MAP2K5: variants seen among roughly 807,000 people sequenced by gnomAD.
The protein encoded by MAP2K5 is mitogen-activated protein kinase kinase 5.
MAP2K5 carries 49 observed loss-of-function variants against 83.1 expected under a neutral mutation model. The observed-to-expected ratio is 0.59, with a 90% confidence interval of 0.47 to 0.75. MAP2K5 has a LOEUF of 0.75. Ranked by LOEUF, MAP2K5 falls within the 30% of genes least tolerant of loss-of-function variation. The pLI is 0.00. For missense variants in MAP2K5, 457 were observed against 557.5 expected, an observed-to-expected ratio of 0.82 and a Z score of 1.82; for synonymous variants, 202 against 191.8, an observed-to-expected ratio of 1.05 and a Z score of -0.44.
intron 8 of MAP2K5, among the ~76,000 whole-genome samples, chr15:67,613,655 T>C (rs972069232): frequency 3.3e-5 from 5 of 152,134 alleles, no homozygotes; most frequent in Non-Finnish European, 7.4e-5. Flanking sequence ...TTTATATAAG[T>C]TCATGTTGAC....
At chr15:67,662,508 G>A (rs1175127953) in intron 12 of MAP2K5, among the ~76,000 whole-genome samples, 1 of 152,076 alleles carries the variant, frequency 6.6e-6, no homozygotes, top group Non-Finnish European at 1.5e-5. Flanking sequence ...CAGTGTATCT[G>A]GTGTCTAATT....
intron 21 of MAP2K5, among the ~76,000 whole-genome samples, chr15:67,795,631 A>T (rs970346252): frequency 6.6e-6 from 1 of 152,182 alleles, no homozygotes; most frequent in Non-Finnish European, 1.5e-5. Context: ...CCCTTAGAAC[A>T]TGGTCATTTG....
intron 13 of MAP2K5, among the ~76,000 whole-genome samples, chr15:67,666,734 CA>C (rs1264000769): frequency 6.6e-6 from 1 of 152,108 alleles, no homozygotes; most frequent in Admixed American, 6.6e-5. Context: ...CCAATTCCTA[CA>C]GAGAGTAGCC....
rs760145008 is a variant in MAP2K5 at position 67,748,631 on chromosome 15, C to CT, written c.1134+31dup. ...GGCATCGTCTTATGTGCTTTCACTC[C>CT]TAAAGTCATTCCTAATGGTGTGGAA... On this transcript the variant is annotated intron_variant, in intron 19 of 21. Coordinates refer to ENST00000178640, the MANE Select transcript of MAP2K5 (RefSeq NM_145160.3). The surrounding 1 kb of genome is among the most constrained non-coding windows in gnomAD (Gnocchi z 4.0). The CT allele has an allele frequency of 3.9e-5, 62 of 1,606,780 alleles. No individual in the cohort carries two copies. The East Asian group carries it at 1.4e-3, about 35-fold the overall frequency.
rs1042532119 is a variant in MAP2K5 at position 67,677,902 on chromosome 15, C to T, written c.847+13257C>T. On this transcript the variant is annotated intron_variant, in intron 13 of 21. Coordinates refer to ENST00000178640, the MANE Select transcript of MAP2K5 (RefSeq NM_145160.3). This position sits in a 1 kb window ranked among gnomAD's most constrained non-coding sequence, Gnocchi z 4.2. Reference sequence around the variant, plus strand: ...CACGTTTGTTGCCTCCATTCTGAACCGAATCATGAGACTCCAGGCAATAAC... The same window carrying T: ...CACGTTTGTTGCCTCCATTCTGAACTGAATCATGAGACTCCAGGCAATAAC... 3.3e-5 allele frequency among the ~76,000 whole-genome samples: 5 copies of T among 152,140 alleles called. No homozygotes were observed. The highest frequency in any genetic ancestry group is 9.7e-5 in the African/African-American group (4 of 41,414).
At position 67,777,957 on chromosome 15, in the gene MAP2K5, C is replaced by G. The variant is rs2141313463; in HGVS notation, c.1242+5205C>G. Among the ~76,000 whole-genome samples the G allele has an allele frequency of 6.6e-6, 1 of 152,326 alleles. No individual in the cohort carries two copies. The highest frequency in any genetic ancestry group is 2.4e-5 in the African/African-American group (1 of 41,586). Reference sequence around the variant, plus strand: ...GTAAATAGTGGCATTAGAAATACAACAAGTTGGCATGGGTCCTAGAAGGCG... The same window carrying G: ...GTAAATAGTGGCATTAGAAATACAAGAAGTTGGCATGGGTCCTAGAAGGCG... On this transcript the variant is annotated intron_variant, in intron 21 of 21. Transcript: ENST00000178640. This position sits in a 1 kb window ranked among gnomAD's most constrained non-coding sequence, Gnocchi z 6.0.
rs1285810716 is a variant in MAP2K5 at position 67,638,979 on chromosome 15, A to T, written c.586-7252A>T. Among the ~76,000 whole-genome samples the T allele has an allele frequency of 6.6e-6, 1 of 152,200 alleles. No individual in the cohort carries two copies. Among genetic ancestry groups the T allele is most frequent in the Non-Finnish European group, 1.5e-5 (1 of 68,030 alleles). On this transcript the variant is annotated intron_variant, in intron 9 of 21. Transcript: ENST00000178640. This position sits in a 1 kb window ranked among gnomAD's most constrained non-coding sequence, Gnocchi z 4.5. Reference sequence around the variant, plus strand: ...TTATACCCCTTTACTGCAAAAATTAACTCAAAATTAAAGACTTAAATGTAA... The same window carrying T: ...TTATACCCCTTTACTGCAAAAATTATCTCAAAATTAAAGACTTAAATGTAA...
chr15:67,759,976 A>C (rs1171483562), intron 19 of MAP2K5, among the ~76,000 whole-genome samples: 4 of 152,240 alleles, frequency 2.6e-5, no homozygotes, highest in Non-Finnish European at 5.9e-5. Context: ...TGTGTTTCAA[A>C]GTGTTGGGAA....
At chr15:67,603,232 C>T (rs950455081) in intron 8 of MAP2K5, among the ~76,000 whole-genome samples, 1 of 152,150 alleles carries the variant, frequency 6.6e-6, no homozygotes, top group Non-Finnish European at 1.5e-5. Context: ...ACAGTAACTC[C>T]CCCATCACTC....
At chr15:67,594,779 C>G (rs1056574767) in intron 7 of MAP2K5, among the ~76,000 whole-genome samples, 1 of 151,768 alleles carries the variant, frequency 6.6e-6, no homozygotes, top group Non-Finnish European at 1.5e-5. Context: ...TAAGGATTAG[C>G]CTTTCTTACA....
In MAP2K5 at chr15:67,652,146, G is replaced by A. The variant is rs1487571844; in HGVS notation, c.736+5677G>A. Among the ~76,000 whole-genome samples the A allele has an allele frequency of 2.6e-5, 4 of 152,064 alleles. No individual in the cohort carries two copies. Among genetic ancestry groups the A allele is most frequent in the African/African-American group, 4.8e-5 (2 of 41,408 alleles). On this transcript the variant is annotated intron_variant, in intron 11 of 21. Coordinates refer to ENST00000178640, the MANE Select transcript of MAP2K5 (RefSeq NM_145160.3). This position sits in a 1 kb window ranked among gnomAD's most constrained non-coding sequence, Gnocchi z 4.2. ...TCAAACATTTTTTCAAATGCCTTAC[G>A]TTGATTCTTCTTTAAACATTTGATA...
At chr15:67,650,721 G>C (rs182819642) in intron 11 of MAP2K5, among the ~76,000 whole-genome samples, 2 of 151,904 alleles carry the variant, frequency 1.3e-5, no homozygotes, top group East Asian at 3.9e-4. Flanking sequence ...ATGTTCCTGG[G>C]TTCAGTTTGC....
intron 11 of MAP2K5, among the ~76,000 whole-genome samples, chr15:67,653,765 G>A (rs545515070): frequency 3.2e-4 from 49 of 151,940 alleles, no homozygotes; most frequent in African/African-American, 1.2e-3. Flanking sequence ...GTTTAAGGTA[G>A]CAAGTTAGGA....
Position 67,723,617 on chromosome 15 carries a change from C to G in MAP2K5, c.1045-4299C>G, listed in dbSNP as rs141103759. Among the ~76,000 whole-genome samples, 25 of 152,230 alleles carry G rather than the reference C, an allele frequency of 1.6e-4. No individual in the cohort carries two copies. The East Asian group carries it at 4.2e-3, about 26-fold the overall frequency. On this transcript the variant is annotated intron_variant, in intron 16 of 21. Transcript: ENST00000178640. The stretch of plus-strand genomic sequence containing the variant: ...GAATCCCTTATCTCTACCTCCACCC[C>G]CTGGCCCCAAATAAATAAAGCTTTT...
Position 67,764,427 on chromosome 15 carries a change from G to A in MAP2K5, c.1135-5175G>A, listed in dbSNP as rs372392655. On this transcript the variant is annotated intron_variant, in intron 19 of 21. Coordinates refer to ENST00000178640, the MANE Select transcript of MAP2K5 (RefSeq NM_145160.3). This position sits in a 1 kb window ranked among gnomAD's most constrained non-coding sequence, Gnocchi z 4.9. ...CCATGACCCTCGTTTGTGAACTCGC[G>A]TCTGCCAGCCAAACTGAACCAAAAC... Among the ~76,000 whole-genome samples, 15 of 152,216 alleles carry A rather than the reference G, an allele frequency of 9.9e-5. No individual in the cohort carries two copies. Among genetic ancestry groups the A allele is most frequent in the African/African-American group, 2.6e-4 (11 of 41,550 alleles).
At position 67,671,296 on chromosome 15, in the gene MAP2K5, T is replaced by C. The variant is rs2087528234; in HGVS notation, c.847+6651T>C. On this transcript the variant is annotated intron_variant, in intron 13 of 21. Transcript: ENST00000178640. ...AGAGTAGATTTTGTGATGAAAATAA[T>C]AACAATAATGACTATTAAGCATGTA... Among the ~76,000 whole-genome samples, 4 of 152,152 alleles carry C rather than the reference T, an allele frequency of 2.6e-5. No individual in the cohort carries two copies. In the South Asian group the frequency reaches 8.3e-4, roughly 32 times the overall value.
chr15:67,653,858 T>G (rs2087007744), intron 11 of MAP2K5, among the ~76,000 whole-genome samples: 1 of 152,192 alleles, frequency 6.6e-6, no homozygotes, highest in African/African-American at 2.4e-5. Flanking sequence ...CCTAGAAGTT[T>G]TGGTATGTTG....
chr15:67,684,413 G>A (rs1482015341), intron 13 of MAP2K5, among the ~76,000 whole-genome samples: 1 of 152,122 alleles, frequency 6.6e-6, no homozygotes. Flanking sequence ...AAAATAAAAG[G>A]TCTAAAATCA....
At chr15:67,671,207 G>A (rs1223671980) in intron 13 of MAP2K5, among the ~76,000 whole-genome samples, 1 of 152,076 alleles carries the variant, frequency 6.6e-6, no homozygotes, top group Non-Finnish European at 1.5e-5. Context: ...TGATAAGGTG[G>A]GGAACAAAGA....
Sources: gnomAD v4.1 joint callset for allele counts (sites outside exome capture counted in the v4.1 genomes callset) on GRCh38, gnomAD v4.1.1 for gene constraint, Gnocchi (gnomAD v3.1) non-coding constraint, MANE v1.5 for transcripts, NCBI Gene and HGNC (gene_info 2026-07-23, HGNC 2026-07-21) for gene names.